Variants in NLGN1 observed in about 807,000 individuals in gnomAD.
NLGN1 encodes neuroligin-1.
Under a neutral mutation model 65.5 loss-of-function variants are expected in NLGN1, and 12 were observed. That is an observed-to-expected ratio of 0.18 (90% CI 0.12 to 0.30). The LOEUF (loss-of-function observed/expected upper bound fraction) is 0.30, where lower values mean the gene tolerates loss of function less well. Ranked by LOEUF, NLGN1 falls within the 10% of genes least tolerant of loss-of-function variation. The probability of loss-of-function intolerance (pLI) is 1.00; values close to 1 mark genes in which losing one functional copy is unlikely to be tolerated. For missense variants in NLGN1, 750 were observed against 1,007.1 expected, an observed-to-expected ratio of 0.74 and a Z score of 3.46; for synonymous variants, 350 against 359.5, an observed-to-expected ratio of 0.97 and a Z score of 0.30.
At chr3:173,589,012 C>T (rs959922863) in intron 2 of NLGN1, among the ~76,000 whole-genome samples, 3 of 152,050 alleles carry the variant, frequency 2.0e-5, no homozygotes, top group Admixed American at 6.6e-5. Flanking sequence ...CATTTTGGAA[C>T]AAATGCAAGT....
At chr3:173,403,778 T>A (rs559900952) in intron 1 of NLGN1, among the ~76,000 whole-genome samples, 3 of 152,240 alleles carry the variant, frequency 2.0e-5, no homozygotes, top group Admixed American at 6.5e-5. Flanking sequence ...TATTCTGGAG[T>A]TTTTTTAAAT....
At chr3:173,398,642 T>C (rs1453693065) in intron 1 of NLGN1, among the ~76,000 whole-genome samples, 2 of 152,208 alleles carry the variant, frequency 1.3e-5, no homozygotes, top group Admixed American at 6.5e-5. Flanking sequence ...TTCTAAATCA[T>C]GAACAGTTGG....
intron 3 of NLGN1, among the ~76,000 whole-genome samples, chr3:173,691,591 A>G (rs1360264239): frequency 6.6e-6 from 1 of 152,088 alleles, no homozygotes; most frequent in African/African-American, 2.4e-5. Context: ...TATAACCCAA[A>G]TATCAACTCA....
chr3:173,773,730 AG>A (rs1198132671), intron 3 of NLGN1, among the ~76,000 whole-genome samples: 1 of 152,204 alleles, frequency 6.6e-6, no homozygotes, highest in African/African-American at 2.4e-5. Flanking sequence ...GGAGGTGGGT[AG>A]GTTCATAAAT....
intron 4 of NLGN1, among the ~76,000 whole-genome samples, chr3:173,934,145 C>A (rs756745314): frequency 6.6e-6 from 1 of 150,764 alleles, no homozygotes; most frequent in East Asian, 2.0e-4. Context: ...TAACATCTAA[C>A]AATTTTCCAG....
intron 3 of NLGN1, among the ~76,000 whole-genome samples, chr3:173,728,407 G>A (rs1253070766): frequency 1.3e-5 from 2 of 151,962 alleles, no homozygotes; most frequent in East Asian, 1.9e-4. Context: ...ATATAACAGA[G>A]GTGACTACCT....
At chr3:173,522,953 G>T in intron 2 of NLGN1, among the ~76,000 whole-genome samples, 1 of 145,258 alleles carries the variant, frequency 6.9e-6, no homozygotes, top group Non-Finnish European at 1.6e-5. Context: ...TGACTTTGTA[G>T]TAATAGCCAT....
At chr3:173,777,208 G>T (rs1780429365) in intron 3 of NLGN1, among the ~76,000 whole-genome samples, 1 of 151,916 alleles carries the variant, frequency 6.6e-6, no homozygotes, top group African/African-American at 2.4e-5. Flanking sequence ...TTCTCTCAGT[G>T]CCTGGAATAT....
intron 3 of NLGN1, among the ~76,000 whole-genome samples, chr3:173,617,472 ACTACACCTG>A (rs1753287511): frequency 6.6e-6 from 1 of 152,198 alleles, no homozygotes; most frequent in South Asian, 2.1e-4. Context: ...TTTGAGTAAT[ACTACACCTG>A]CAGTAATTCC....
chr3:173,720,918 A>G (rs1270237309), intron 3 of NLGN1, among the ~76,000 whole-genome samples: 1 of 152,132 alleles, frequency 6.6e-6, no homozygotes, highest in East Asian at 1.9e-4. Context: ...TGATGAGGAG[A>G]AGTAAAGAGT....
At chr3:174,115,512 G>A (rs936805551) in intron 4 of NLGN1, among the ~76,000 whole-genome samples, 1 of 152,070 alleles carries the variant, frequency 6.6e-6, no homozygotes, top group African/African-American at 2.4e-5. Context: ...TAAAACCACC[G>A]TTATAGAATC....
At chr3:173,775,561 A>G (rs542751487) in intron 3 of NLGN1, among the ~76,000 whole-genome samples, 5 of 152,130 alleles carry the variant, frequency 3.3e-5, no homozygotes, top group Admixed American at 1.3e-4. Flanking sequence ...TCCTTTCACA[A>G]TACCTGATTC....
At chr3:174,054,251 T>C (rs1039989609) in intron 4 of NLGN1, among the ~76,000 whole-genome samples, 1 of 152,034 alleles carries the variant, frequency 6.6e-6, no homozygotes, top group Non-Finnish European at 1.5e-5. Context: ...AAATGGTAAA[T>C]GGACTTGGTG....
At chr3:173,637,636 A>G (rs867174456) in intron 3 of NLGN1, among the ~76,000 whole-genome samples, 11 of 152,150 alleles carry the variant, frequency 7.2e-5, no homozygotes, top group Admixed American at 6.5e-5. Context: ...TTGAGATACT[A>G]TGATGTTATG....
At chr3:174,211,919 C>A (rs1736667606) in intron 4 of NLGN1, among the ~76,000 whole-genome samples, 1 of 152,220 alleles carries the variant, frequency 6.6e-6, no homozygotes, top group South Asian at 2.1e-4. Context: ...CCCAGTAGAT[C>A]CCGCACTGGG....
At chr3:173,398,569 G>T (rs372484065) in intron 1 of NLGN1, 2 of 152,136 alleles carry the variant, frequency 1.3e-5, no homozygotes, top group African/African-American at 2.4e-5. Flanking sequence ...TCCAGAGGAG[G>T]TTGTTAGTGT....
intron 3 of NLGN1, among the ~76,000 whole-genome samples, chr3:173,610,433 G>A (rs914204791): frequency 6.6e-5 from 10 of 152,014 alleles, no homozygotes; most frequent in Admixed American, 5.9e-4. Context: ...AAGGTAGAGA[G>A]AAAGGTCTAT....
intron 4 of NLGN1, among the ~76,000 whole-genome samples, chr3:174,241,169 C>G (rs920751681): frequency 6.6e-6 from 1 of 152,096 alleles, no homozygotes; most frequent in African/African-American, 2.4e-5. Flanking sequence ...AAGATAAAGT[C>G]TCTTTATACT....
chr3:173,766,921 T>C (rs1007729787), intron 3 of NLGN1, among the ~76,000 whole-genome samples: 1 of 152,182 alleles, frequency 6.6e-6, no homozygotes, highest in African/African-American at 2.4e-5. Flanking sequence ...AAAATTTTTA[T>C]CTAGATAAAT....
Sources: gnomAD v4.1 joint callset for allele counts (sites outside exome capture counted in the v4.1 genomes callset) on GRCh38, gnomAD v4.1.1 for gene constraint, MANE v1.5 for transcripts, NCBI Gene and HGNC (gene_info 2026-07-23, HGNC 2026-07-21) for gene names.